TULP4: variants seen among roughly 807,000 people sequenced by gnomAD.
TULP4 encodes the protein tubby-related protein 4.
A neutral mutation model predicts 129.0 loss-of-function variants in TULP4; 16 were observed. The observed-to-expected ratio is 0.12, with a 90% CI of 0.08 to 0.19. The LOEUF (loss-of-function observed/expected upper bound fraction) is 0.19, where lower values mean the gene tolerates loss of function less well. TULP4 is among the 10% of genes least tolerant of loss of function. TULP4 has a pLI of 1.00. For missense variants in TULP4, 1,842 were observed against 2,059.1 expected, an observed-to-expected ratio of 0.89 and a Z score of 2.04; for synonymous variants, 998 against 854.0, an observed-to-expected ratio of 1.17 and a Z score of -2.94.
chr6:158,439,812 T>C (rs562113485), intron 3 of TULP4, among the ~76,000 whole-genome samples: 72 of 143,292 alleles, frequency 5.0e-4, no homozygotes, highest in East Asian at 5.0e-3. Flanking sequence ...CCTGGGTTCA[T>C]GCCATTCTCC....
At chr6:158,294,089 C>T (rs1315974773) in intron 1 of TULP4, among the ~76,000 whole-genome samples, 4 of 152,144 alleles carry the variant, frequency 2.6e-5, no homozygotes, top group Middle Eastern at 3.2e-3. Context: ...TCGGGCCAGG[C>T]GCAGTGGTTC....
intron 1 of TULP4, among the ~76,000 whole-genome samples, chr6:158,237,099 G>A (rs758579922): frequency 1.5e-4 from 23 of 151,894 alleles, no homozygotes; most frequent in Non-Finnish European, 2.9e-4. Context: ...GTGAGCCACC[G>A]TGCCCGGCCA....
intron 6 of TULP4, among the ~76,000 whole-genome samples, chr6:158,474,656 A>G (rs1380381007): frequency 6.6e-6 from 1 of 152,210 alleles, no homozygotes; most frequent in Non-Finnish European, 1.5e-5. Context: ...GTTATCAGGT[A>G]GTTCCTGTCA....
intron 3 of TULP4, among the ~76,000 whole-genome samples, chr6:158,431,606 A>G (rs1476147072): frequency 6.6e-6 from 1 of 152,138 alleles, no homozygotes; most frequent in Non-Finnish European, 1.5e-5. Flanking sequence ...TGGCTTGGCA[A>G]CGTGTGGAGG....
In TULP4 at chr6:158,314,297, G is replaced by A. The variant is rs755659143; in HGVS notation, c.252+29G>A. ...AGCTGTGGTTTTGTTTCACTTTTTG[G>A]TCACTTCCAGTGGTGTTTTTGAGCC... On this transcript the variant is annotated intron_variant, in intron 1 of 13. Transcript: ENST00000367097. The A allele has an allele frequency of 3.7e-6, 6 of 1,606,190 alleles. No homozygotes were observed. In the South Asian group the frequency reaches 4.4e-5, roughly 12 times the overall value.
At chr6:158,504,214 G>T in intron 13 of TULP4, 36 bp downstream of exon 13, 2 of 1,478,362 alleles carry the variant, frequency 1.4e-6, no homozygotes, top group Non-Finnish European at 1.8e-6. Flanking sequence ...GCGAGCCCAG[G>T]AGGCGAGGGT....
chr6:158,288,721 C>T (rs1014043836), intron 1 of TULP4, among the ~76,000 whole-genome samples: 7 of 152,048 alleles, frequency 4.6e-5, no homozygotes, highest in Admixed American at 2.0e-4. Context: ...AGGATGGTCT[C>T]GATCTCCTGA....
intron 1 of TULP4, among the ~76,000 whole-genome samples, chr6:158,315,009 T>G (rs952715322): frequency 4.6e-5 from 7 of 152,228 alleles, no homozygotes; most frequent in African/African-American, 1.7e-4. Flanking sequence ...TTTGCTTGTA[T>G]GGCACCTTCG....
upstream of TULP4, among the ~76,000 whole-genome samples, chr6:158,279,044 A>G (rs1162776745): frequency 2.1e-5 from 3 of 142,128 alleles, no homozygotes; most frequent in Admixed American, 1.4e-4. Flanking sequence ...GGTTCACGCC[A>G]TTCTCCTGCC....
chr6:158,293,022 C>T (rs1219853236), intron 1 of TULP4, among the ~76,000 whole-genome samples: 1 of 152,158 alleles, frequency 6.6e-6, no homozygotes, highest in East Asian at 1.9e-4. Flanking sequence ...ATTTTAATAT[C>T]TGAGTATCAG....
intron 1 of TULP4, among the ~76,000 whole-genome samples, 167 bp from the exon 2 acceptor site, chr6:158,412,898 C>T (rs1778128410): frequency 6.6e-6 from 1 of 152,152 alleles, no homozygotes; most frequent in South Asian, 2.1e-4. Flanking sequence ...TCCCTGTGGA[C>T]TCTCGTGTGA....
chr6:158,503,949 G>A lies in TULP4; in HGVS notation c.4286G>A (p.Gly1429Asp), dbSNP rs1278489081. The change falls in exon 13 of 14, where the codon GGC becomes GAC. Residue 1429 changes from glycine to aspartate, a missense_variant. Physicochemically the swap from Gly to Asp is moderately conservative, Grantham distance 94. This residue lies in a region of TULP4 where 1,089 missense variants were observed against 987.1 expected (regional missense o/e 1.10). Coordinates refer to ENST00000367097, the MANE Select transcript of TULP4 (RefSeq NM_020245.5). The surrounding 1 kb of genome is among the most constrained non-coding windows in gnomAD (Gnocchi z 4.3). ...AACCAGAGCCAGGGCAGCAGAAAGG[G>A]CTGGAAAAGCAAGCGCTCCCCACGG... ...LMNQSQGSRK[G>D]WKSKRSPRAA... 1 of 1,613,740 alleles carries A rather than the reference G, an allele frequency of 6.2e-7. No homozygotes were observed. The highest frequency in any genetic ancestry group is 8.5e-7 in the Non-Finnish European group (1 of 1,179,770).
chr6:158,275,917 A>G (rs1778638364), intron 1 of TULP4, among the ~76,000 whole-genome samples: 1 of 152,144 alleles, frequency 6.6e-6, no homozygotes, highest in South Asian at 2.1e-4. Flanking sequence ...TACAGTTCAG[A>G]TATACTTTCT....
At position 158,295,309 on chromosome 6, in the gene TULP4, T is replaced by C. The variant is rs974373083; in HGVS notation, n.116+12931T>C. Among the ~76,000 whole-genome samples the C allele has an allele frequency of 4.6e-5, 7 of 152,322 alleles. No individual in the cohort carries two copies. The Middle Eastern group carries it at 0.01, about 222-fold the overall frequency. On this transcript the variant is annotated intron_variant and non_coding_transcript_variant, in intron 1 of 1. Transcript: ENST00000432358. ...ACTAAAATAGCATCTTTATGCTTTA[T>C]TGGAATTTTCTAGATTGGGAGAGTA... is the stretch of plus-strand genomic sequence containing the variant.
At chr6:158,390,494 A>C (rs1033016583) in intron 1 of TULP4, among the ~76,000 whole-genome samples, 2 of 150,038 alleles carry the variant, frequency 1.3e-5, no homozygotes, top group African/African-American at 4.8e-5. Context: ...TTCGAATTAA[A>C]AAAGAAAAAC....
At chr6:158,395,309 G>A (rs958821883) in intron 1 of TULP4, among the ~76,000 whole-genome samples, 7 of 152,106 alleles carry the variant, frequency 4.6e-5, no homozygotes, top group East Asian at 1.9e-4. Context: ...GGCCGGGCAC[G>A]GTGGCTCATG....
At chr6:158,339,381 A>G (rs978476104) in intron 1 of TULP4, among the ~76,000 whole-genome samples, 2 of 152,096 alleles carry the variant, frequency 1.3e-5, no homozygotes, top group African/African-American at 4.8e-5. Flanking sequence ...CCACTAAAGA[A>G]CTTCTGTGTC....
chr6:158,346,044 A>G (rs1379096474), intron 1 of TULP4, among the ~76,000 whole-genome samples: 2 of 152,208 alleles, frequency 1.3e-5, no homozygotes, highest in African/African-American at 4.8e-5. Flanking sequence ...TCAAGAAGAA[A>G]AATATGGCTC....
At chr6:158,269,697 T>C (rs1778511920) in intron 1 of TULP4, among the ~76,000 whole-genome samples, 1 of 152,262 alleles carries the variant, frequency 6.6e-6, no homozygotes, top group Admixed American at 6.5e-5. Context: ...GGGTAGAATA[T>C]AAATGAAATT....
Sources: gnomAD v4.1 joint callset for allele counts (sites outside exome capture counted in the v4.1 genomes callset) on GRCh38, gnomAD v4.1.1 for gene constraint, gnomAD v4.1.1 regional missense constraint, Gnocchi (gnomAD v3.1) non-coding constraint, MANE v1.5 for transcripts, NCBI Gene and HGNC (gene_info 2026-07-23, HGNC 2026-07-21) for gene names.